The following ERBB4 variants were observed in gnomAD, a reference collection of about 807,000 sequenced individuals.
The protein encoded by ERBB4 is receptor tyrosine-protein kinase erbB-4.
A neutral mutation model predicts 158.0 loss-of-function variants in ERBB4; 42 were observed. That is an observed-to-expected ratio of 0.27 (90% CI 0.21 to 0.34). The LOEUF (loss-of-function observed/expected upper bound fraction) is 0.34. ERBB4 is among the 10% of genes least tolerant of loss of function. The pLI is 1.00. For synonymous variants in ERBB4, 583 were observed against 558.7 expected (o/e 1.04, Z -0.61); for missense variants, 1,333 against 1,624.1 (o/e 0.82, Z 3.08).
intron 3 of ERBB4, among the ~76,000 whole-genome samples, chr2:211,929,540 G>T (rs183912515): frequency 5.3e-5 from 8 of 152,132 alleles, no homozygotes; most frequent in Non-Finnish European, 8.8e-5. Context: ...CATTTCCCAT[G>T]ACACACACCA....
chr2:211,623,893 A>C (rs748257636), intron 18 of ERBB4, 29 bp downstream of exon 18: 3 of 1,612,242 alleles, frequency 1.9e-6, no homozygotes, highest in Non-Finnish European at 2.5e-6. Context: ...ACAAAACTTA[A>C]CTAACGATAT....
At chr2:211,725,842 A>AG (rs1031893331) in intron 5 of ERBB4, among the ~76,000 whole-genome samples, 1 of 151,162 alleles carries the variant, frequency 6.6e-6, no homozygotes, top group Non-Finnish European at 1.5e-5. Flanking sequence ...GAAGGAAGGA[A>AG]GGGGAGGGAA....
chr2:211,843,215 C>T (rs867059236), intron 3 of ERBB4, among the ~76,000 whole-genome samples: 2 of 152,070 alleles, frequency 1.3e-5, no homozygotes, highest in African/African-American at 4.8e-5. Flanking sequence ...TCCTTTTTGA[C>T]TTTCACTATT....
intron 27 of ERBB4, among the ~76,000 whole-genome samples, chr2:211,386,193 A>G (rs1403176546): frequency 6.6e-6 from 1 of 152,170 alleles, no homozygotes; most frequent in Admixed American, 6.5e-5. Flanking sequence ...TGCAAAATTG[A>G]AGCATTATTT....
intron 20 of ERBB4, among the ~76,000 whole-genome samples, chr2:211,514,858 C>T (rs1332781748): frequency 1.3e-5 from 2 of 152,102 alleles, no homozygotes; most frequent in Non-Finnish European, 2.9e-5. Flanking sequence ...TTGAGTATCA[C>T]ATTGGTGCTC....
chr2:212,502,186 C>T (rs1035704273), intron 1 of ERBB4, among the ~76,000 whole-genome samples: 3 of 151,956 alleles, frequency 2.0e-5, no homozygotes, highest in Non-Finnish European at 4.4e-5. Context: ...TGAGCTATAG[C>T]TTATTATGCA....
In ERBB4 at chr2:211,905,738, G is replaced by GTATATATATATATATA. The variant is rs1469524984; in HGVS notation, c.421+41691_421+41692insTATATATATATATATA. 1.1e-3 allele frequency among the ~76,000 whole-genome samples: 124 copies of GTATATATATATATATA among 108,226 alleles called. 2 individuals carry two copies. The highest frequency in any genetic ancestry group is 4.2e-3 in the African/African-American group (111 of 26,286). 71.0% of individuals were successfully genotyped at this position (108,226 alleles called of 152,430 possible). Reference sequence around the variant, plus strand: ...TATATGTGTGTGTATGTGTGTGCATGTGTGTGTATATATATATATATATAT... The same window carrying GTATATATATATATATA: ...TATATGTGTGTGTATGTGTGTGCATGTATATATATATATATATGTGTGTATATATATATATATATAT... On this transcript the variant is annotated intron_variant, in intron 3 of 27. Transcript: ENST00000342788.
At chr2:212,177,787 T>C (rs1394755641) in intron 1 of ERBB4, among the ~76,000 whole-genome samples, 2 of 151,972 alleles carry the variant, frequency 1.3e-5, no homozygotes, top group African/African-American at 2.4e-5. Context: ...GTTACACTAA[T>C]GAAGTTTAAT....
chr2:212,011,200 A>G (rs1371579555), intron 2 of ERBB4, among the ~76,000 whole-genome samples: 1 of 152,198 alleles, frequency 6.6e-6, no homozygotes, highest in Non-Finnish European at 1.5e-5. Context: ...AAAAAATTAT[A>G]TAAGTATTAT....
At chr2:212,173,190 T>A (rs2081570239) in intron 1 of ERBB4, among the ~76,000 whole-genome samples, 3 of 151,796 alleles carry the variant, frequency 2.0e-5, no homozygotes, top group African/African-American at 4.8e-5. Context: ...AAAACACAAA[T>A]CCCTATGTTT....
At chr2:211,848,742 C>G (rs770512353) in intron 3 of ERBB4, among the ~76,000 whole-genome samples, 26 of 151,990 alleles carry the variant, frequency 1.7e-4, no homozygotes, top group Non-Finnish European at 2.9e-4. Context: ...TCACCCAACA[C>G]AGTATAGCAT....
intron 2 of ERBB4, among the ~76,000 whole-genome samples, chr2:212,108,459 G>T (rs1480641004): frequency 6.6e-6 from 1 of 152,120 alleles, no homozygotes; most frequent in African/African-American, 2.4e-5. Context: ...CAAGATCAAA[G>T]GAATGCAGTT....
At chr2:211,682,849 G>A (rs1012348812) in intron 12 of ERBB4, among the ~76,000 whole-genome samples, 1 of 150,928 alleles carries the variant, frequency 6.6e-6, no homozygotes, top group African/African-American at 2.4e-5. Context: ...CTTTAATTAG[G>A]GTGTTTAAAC....
intron 2 of ERBB4, among the ~76,000 whole-genome samples, chr2:212,056,943 G>A (rs530949893): frequency 1.1e-4 from 16 of 152,232 alleles, no homozygotes; most frequent in Admixed American, 3.3e-4. Context: ...AACCTTAAGT[G>A]TAAATGGGCT....
chr2:211,712,191 C>G lies in ERBB4; in HGVS notation c.998-15G>C. 1 of 1,613,208 alleles carries G rather than the reference C, an allele frequency of 6.2e-7. No homozygotes were observed. Among genetic ancestry groups the G allele is most frequent in the Non-Finnish European group, 8.5e-7 (1 of 1,179,282 alleles). On this transcript the variant is annotated splice_polypyrimidine_tract_variant and intron_variant, in intron 8 of 27. Coordinates refer to ENST00000342788, the MANE Select transcript of ERBB4 (RefSeq NM_005235.3). ...GCCATCACAAGCTGTAGAAACAAGA[C>G]TCAGAGTTAGGGGATTGAGAAACTT...
intron 16 of ERBB4, among the ~76,000 whole-genome samples, chr2:211,632,858 C>T (rs1182880321): frequency 6.6e-6 from 1 of 152,068 alleles, no homozygotes; most frequent in Non-Finnish European, 1.5e-5. Flanking sequence ...AATTTCTTTA[C>T]TGTTTTCTTA....
rs144276817 is a variant in ERBB4 at position 211,866,950 on chromosome 2, G to A, written c.422-78791C>T. On this transcript the variant is annotated intron_variant, in intron 3 of 27. Transcript: ENST00000342788. ...CTCCCCTCCCTCTGTCTCTGTATGG[G>A]GGAGCTTCTTCCTTCTGTCTTCTCC... Among the ~76,000 whole-genome samples, 437 of 147,334 alleles carry A rather than the reference G, an allele frequency of 3.0e-3. 2 individuals are homozygous for A. In the Middle Eastern group the frequency reaches 0.033, roughly 11 times the overall value.
In ERBB4 at chr2:211,567,312, G is replaced by T. The variant is rs576149122; in HGVS notation, c.2302-5224C>A. Among the ~76,000 whole-genome samples, 418 of 152,198 alleles carry T rather than the reference G, an allele frequency of 2.7e-3. 3 individuals are homozygous for T. The highest frequency in any genetic ancestry group is 9.6e-3 in the African/African-American group (398 of 41,528). On this transcript the variant is annotated intron_variant, in intron 19 of 27. Coordinates refer to ENST00000342788, the MANE Select transcript of ERBB4 (RefSeq NM_005235.3). ...GTGTCAATCTTTATGTTTTTAGCAA[G>T]ACAGCCCCAAGCACCTCACATTAGC...
At chr2:212,434,287 C>G (rs1055696439) in intron 1 of ERBB4, among the ~76,000 whole-genome samples, 5 of 151,856 alleles carry the variant, frequency 3.3e-5, no homozygotes, top group Non-Finnish European at 7.4e-5. Flanking sequence ...TGACTGGACA[C>G]TGTTTGAATT....
Sources: gnomAD v4.1 joint callset for allele counts (sites outside exome capture counted in the v4.1 genomes callset) on GRCh38, gnomAD v4.1.1 for gene constraint, MANE v1.5 for transcripts, NCBI Gene and HGNC (gene_info 2026-07-23, HGNC 2026-07-21) for gene names.